The following TACC2 variants were observed in gnomAD, a reference collection of about 807,000 sequenced individuals.
TACC2 encodes transforming acidic coiled-coil containing protein 2, also known as transforming acidic coiled-coil-containing protein 2.
In TACC2, 137 loss-of-function variants were observed where a neutral mutation model predicts 227.3. The ratio of observed to expected loss-of-function variants is 0.60; its 90% CI spans 0.52 to 0.69. The LOEUF (loss-of-function observed/expected upper bound fraction) is 0.69, where lower values mean the gene tolerates loss of function less well. Among genes scored for constraint, TACC2 ranks in the 30% least tolerant of loss-of-function variants. TACC2 has a pLI of 0.00. For synonymous variants in TACC2, 1,523 were observed against 1,487.5 expected (o/e 1.02, Z -0.55); for missense variants, 3,470 against 3,694.4 (o/e 0.94, Z 1.57).
chr10:122,226,865 G>A (rs762619531), intron 13 of TACC2, among the ~76,000 whole-genome samples: 7 of 152,064 alleles, frequency 4.6e-5, no homozygotes, highest in Non-Finnish European at 1.0e-4. Context: ...CTATAATCTC[G>A]CCCAGTGCAC....
chr10:122,210,867 C>A lies in TACC2; in HGVS notation c.6442C>A (p.Pro2148Thr). 2 of 1,613,652 alleles carry A rather than the reference C, an allele frequency of 1.2e-6. No individual in the cohort carries two copies. Among genetic ancestry groups the A allele is most frequent in the Non-Finnish European group, 1.7e-6 (2 of 1,179,956 alleles). ...GACCACCAAGAAACCCACAGAGACC[C>A]CCCCAGTGAAGGAGACGCAACAGGA... The part of the protein sequence containing the change: ...KQTTKKPTET[P>T]PVKETQQEPD... Residue 2148 changes from proline to threonine, a missense_variant, in exon 9 of 23, where the codon CCC becomes ACC. Around this residue, in one of 10 missense-constraint regions of TACC2, gnomAD observed 593 missense variants for 636.6 expected, o/e 0.93. Transcript: ENST00000369005. This position sits in a 1 kb window ranked among gnomAD's most constrained non-coding sequence, Gnocchi z 4.6.
At chr10:122,247,528 G>C (rs1490354983) in intron 19 of TACC2, 1 of 152,198 alleles carries the variant, frequency 6.6e-6, no homozygotes, top group African/African-American at 2.4e-5. Flanking sequence ...GTCAGAGAAG[G>C]CCTTTCCCAT....
At chr10:122,216,590 C>A (rs746694591) in intron 10 of TACC2, 37 bp from the exon 11 acceptor site, 2 of 1,598,392 alleles carry the variant, frequency 1.3e-6, no homozygotes, top group South Asian at 2.3e-5. Context: ...GACCAAGAGT[C>A]TGATGAGACA....
intron 5 of TACC2, among the ~76,000 whole-genome samples, chr10:122,096,955 A>G (rs189108447): frequency 6.6e-6 from 1 of 152,306 alleles, no homozygotes; most frequent in Admixed American, 6.5e-5. Flanking sequence ...CAGGGAAGGC[A>G]CTGGAACAGG....
intron 2 of TACC2, among the ~76,000 whole-genome samples, chr10:122,035,792 C>T (rs1399869147): frequency 6.6e-6 from 1 of 151,846 alleles, no homozygotes; most frequent in Non-Finnish European, 1.5e-5. Context: ...CTTTTCTTTC[C>T]TTCTCTCCTT....
rs556942706 is a variant in TACC2, at chr10:122,172,620, C to T, written c.5835-22420C>T. On this transcript the variant is annotated intron_variant, in intron 7 of 22. Coordinates refer to ENST00000369005, the MANE Select transcript of TACC2 (RefSeq NM_206862.4). Reference sequence around the variant, plus strand: ...ATTAACTTTACTTTAGGGAAAACATCTGCGCACATTTAGATCCTGCATGGA... The same window carrying T: ...ATTAACTTTACTTTAGGGAAAACATTTGCGCACATTTAGATCCTGCATGGA... Among the ~76,000 whole-genome samples, 13 of 152,348 alleles carry T rather than the reference C, an allele frequency of 8.5e-5. No homozygotes were observed. In the South Asian group the frequency reaches 2.7e-3, roughly 32 times the overall value.
chr10:122,045,493 A>G (rs1304042867), intron 2 of TACC2, among the ~76,000 whole-genome samples: 1 of 152,186 alleles, frequency 6.6e-6, no homozygotes, highest in African/African-American at 2.4e-5. Context: ...TAAGGATTGA[A>G]TGAGTTTAAA....
intron 18 of TACC2, among the ~76,000 whole-genome samples, chr10:122,239,107 G>A (rs1487943923): frequency 6.6e-6 from 1 of 152,054 alleles, no homozygotes; most frequent in African/African-American, 2.4e-5. Context: ...GGGTTCAAGT[G>A]GTTCTCCTGC....
intron 7 of TACC2, among the ~76,000 whole-genome samples, chr10:122,144,774 TTC>T (rs1311274992): frequency 6.6e-6 from 1 of 152,204 alleles, no homozygotes; most frequent in African/African-American, 2.4e-5. Context: ...CATTAAACTC[TTC>T]TCTGTCCTGT....
chr10:122,087,787 G>A lies in TACC2; in HGVS notation c.5287G>A (p.Ala1763Thr). Residue 1763 changes from alanine to threonine, a missense_variant, in exon 4 of 23, where the codon GCC (alanine) becomes ACC (threonine). By Grantham distance (58) the Ala-to-Thr change is moderately conservative. Transcript: ENST00000369005. Reference sequence around the variant, plus strand: ...GGCTCCGGGGATGGAGGGTACAGCTGCCCTTCATGGGGACAGCCCAGCCAG... The same window carrying A: ...GGCTCCGGGGATGGAGGGTACAGCTACCCTTCATGGGGACAGCCCAGCCAG... Reference protein sequence around the residue: ...DKAPGMEGTAALHGDSPARPQ... With the variant: ...DKAPGMEGTATLHGDSPARPQ... 1 of 1,596,364 alleles carries A rather than the reference G, an allele frequency of 6.3e-7. No individual in the cohort carries two copies. Among genetic ancestry groups the A allele is most frequent in the Non-Finnish European group, 8.5e-7 (1 of 1,170,654 alleles).
chr10:122,134,270 C>T (rs537943774), intron 6 of TACC2, among the ~76,000 whole-genome samples: 31 of 151,576 alleles, frequency 2.0e-4, no homozygotes, highest in Middle Eastern at 3.4e-3. Context: ...TTCCTGGGTT[C>T]AAGCGATTCT....
chr10:122,159,135 TGA>T (rs150686368), intron 7 of TACC2, among the ~76,000 whole-genome samples: 4,902 of 152,096 alleles, frequency 0.032, 233 homozygotes, highest in East Asian at 0.23. Flanking sequence ...CTGGAGGAAT[TGA>T]GAGAGATGCA....
At chr10:122,200,949 C>T (rs1193698449) in intron 8 of TACC2, among the ~76,000 whole-genome samples, 3 of 148,280 alleles carry the variant, frequency 2.0e-5, no homozygotes, top group Admixed American at 2.0e-4. Context: ...AGCGACCTCA[C>T]CCGCCCACAG....
At chr10:122,208,532 CTTGT>C (rs1240017534) in intron 8 of TACC2, among the ~76,000 whole-genome samples, 1 of 152,184 alleles carries the variant, frequency 6.6e-6, no homozygotes, top group Non-Finnish European at 1.5e-5. Context: ...TTTCCCAAAC[CTTGT>C]TTGTTTGTTG....
intron 19 of TACC2, among the ~76,000 whole-genome samples, chr10:122,244,016 G>A (rs183337031): frequency 6.6e-6 from 1 of 152,210 alleles, no homozygotes; most frequent in South Asian, 2.1e-4. Flanking sequence ...ATGACAGAAA[G>A]ATTACTCCCA....
rs138227910 is a variant in TACC2, at chr10:122,024,357, C to T, written c.33+2343C>T. Among the ~76,000 whole-genome samples, 9 of 152,302 alleles carry T rather than the reference C, an allele frequency of 5.9e-5. No homozygotes were observed. The East Asian group carries it at 1.3e-3, about 23-fold the overall frequency. The stretch of plus-strand genomic sequence containing the variant: ...TTCCAGCCAGGTCAACAGAGCAAGA[C>T]CCTGTCTCATAAAGAAAGAAAGAAT... On this transcript the variant is annotated intron_variant, in intron 2 of 22. Coordinates refer to ENST00000369005, the MANE Select transcript of TACC2 (RefSeq NM_206862.4).
intron 9 of TACC2, among the ~76,000 whole-genome samples, chr10:122,215,080 C>T (rs528698418): frequency 3.9e-5 from 6 of 152,300 alleles, no homozygotes; most frequent in Admixed American, 3.3e-4. Flanking sequence ...AATCTGCTCA[C>T]CAGAAATTTG....
intron 1 of TACC2, among the ~76,000 whole-genome samples, chr10:121,997,641 C>T (rs1383194026): frequency 6.6e-6 from 1 of 151,970 alleles, no homozygotes; most frequent in East Asian, 1.9e-4. Context: ...AACGTGGCTG[C>T]TCAAGTGTGT....
chr10:122,251,448 G>C (rs1231137098), intron 22 of TACC2, among the ~76,000 whole-genome samples: 1 of 152,152 alleles, frequency 6.6e-6, no homozygotes. Context: ...TATGGTTTTA[G>C]TGTTGAGTGT....
Sources: allele counts gnomAD v4.1 joint callset (sites outside exome capture counted in the v4.1 genomes callset), GRCh38; gene constraint gnomAD v4.1.1; regional missense constraint gnomAD v4.1.1; non-coding constraint Gnocchi (gnomAD v3.1); transcripts MANE v1.5; gene names NCBI Gene and HGNC (gene_info 2026-07-23, HGNC 2026-07-21).